Variants in XPNPEP1 observed in about 807,000 individuals in gnomAD.
The protein encoded by XPNPEP1 is xaa-Pro aminopeptidase 1.
A neutral mutation model predicts 92.4 loss-of-function variants in XPNPEP1; 39 were observed. The ratio of observed to expected loss-of-function variants is 0.42; its 90% CI spans 0.33 to 0.55. XPNPEP1 has a LOEUF of 0.55. Among genes scored for constraint, XPNPEP1 ranks in the 20% least tolerant of loss-of-function variants. The pLI, the probability that XPNPEP1 is intolerant of heterozygous loss-of-function variation, is 0.08. For missense variants in XPNPEP1, 654 were observed against 856.1 expected (o/e 0.76, Z 2.95); for synonymous variants, 307 against 299.4 (o/e 1.03, Z -0.26).
rs780199739 is a variant in XPNPEP1 at position 109,888,042 on chromosome 10, T to C, written c.652+7A>G. 1.9e-6 allele frequency: 3 copies of C among 1,613,876 alleles called. No individual in the cohort carries two copies. The Admixed American group carries it at 5.0e-5, about 27-fold the overall frequency. On this transcript the variant is annotated splice_region_variant and intron_variant, in intron 7 of 20. Transcript: ENST00000502935. ...GGGCCCTGCTGGGCAGAACCATTGA[T>C]TCTGACCTGTGTAATCCAGGCCCAG... is the stretch of plus-strand genomic sequence containing the variant.
chr10:109,875,809 A>C, intron 14 of XPNPEP1: 1 of 468,038 alleles, frequency 2.1e-6, no homozygotes, highest in Admixed American at 3.4e-5. Flanking sequence ...TCCCCAGCTG[A>C]GATAAAGAGC....
chr10:109,884,052 A>C lies in XPNPEP1; in HGVS notation c.830+15T>G, dbSNP rs766565379. ...AGCTCTGGAAGGGAGTTCCAGATGC[A>C]GGGCAAACACTCACATGATCGTCTC... On this transcript the variant is annotated intron_variant, in intron 9 of 20. Coordinates refer to ENST00000502935, the MANE Select transcript of XPNPEP1 (RefSeq NM_020383.4). 1 of 1,611,206 alleles carries C rather than the reference A, an allele frequency of 6.2e-7. No individual in the cohort carries two copies. The highest frequency in any genetic ancestry group is 8.5e-7 in the Non-Finnish European group (1 of 1,178,596).
intron 19 of XPNPEP1, 93 bp from the exon 20 acceptor site, chr10:109,868,805 C>T: frequency 8.3e-7 from 1 of 1,202,002 alleles, no homozygotes; most frequent in Non-Finnish European, 1.2e-6. Flanking sequence ...TCCCTCAGAG[C>T]CAGGGGTAAC....
chr10:109,906,208 G>A lies in XPNPEP1; in HGVS notation c.246+1483C>T, dbSNP rs550732857. On this transcript the variant is annotated intron_variant, in intron 3 of 20. Coordinates refer to ENST00000502935, the MANE Select transcript of XPNPEP1 (RefSeq NM_020383.4). ...CAGACACACACACAGACACAGACAC[G>A]CACACGTGCACACACACAGAGTAAC... Among the ~76,000 whole-genome samples the A allele has an allele frequency of 3.9e-5, 6 of 152,144 alleles. 2 individuals are homozygous for A. In the South Asian group the frequency reaches 1.0e-3, roughly 26 times the overall value.
intron 5 of XPNPEP1, 94 bp from the exon 6 acceptor site, chr10:109,888,689 G>C: frequency 1.0e-6 from 1 of 1,000,248 alleles, no homozygotes; most frequent in South Asian, 2.1e-5. Context: ...CATGATAGCA[G>C]GGTCTTTATT....
chr10:109,888,471 T>C (rs765491758), intron 6 of XPNPEP1, 32 bp downstream of exon 6: 44 of 1,581,558 alleles, frequency 2.8e-5, no homozygotes, highest in Admixed American at 3.5e-5. Flanking sequence ...GCCACTTCCT[T>C]ACCCAAGCAG....
chr10:109,888,034 A>G lies in XPNPEP1; in HGVS notation c.652+15T>C, dbSNP rs750720376. ...AATGGCAGGGGCCCTGCTGGGCAGA[A>G]CCATTGATTCTGACCTGTGTAATCC... On this transcript the variant is annotated intron_variant, in intron 7 of 20. Transcript: ENST00000502935. The G allele has an allele frequency of 5.6e-6, 9 of 1,613,384 alleles. No homozygotes were observed. Among genetic ancestry groups the G allele is most frequent in the South Asian group, 1.1e-5 (1 of 91,012 alleles).
chr10:109,872,579 A>T (rs1305571900), intron 16 of XPNPEP1, among the ~76,000 whole-genome samples: 1 of 152,262 alleles, frequency 6.6e-6, no homozygotes, highest in East Asian at 1.9e-4. Flanking sequence ...GCACTGGTGA[A>T]TACAAATGGA....
chr10:109,907,586 T>TTGGTTGTGGCCC, intron 3 of XPNPEP1, 105 bp downstream of exon 3: 1 of 1,539,086 alleles, frequency 6.5e-7, no homozygotes, highest in Non-Finnish European at 8.8e-7. Context: ...CTGGAAGGGC[T>TTGGTTGTGGCCC]TGGTTGTGGC....
At chr10:109,891,175 C>T (rs971398897) in intron 5 of XPNPEP1, 2 of 152,312 alleles carry the variant, frequency 1.3e-5, no homozygotes, top group Non-Finnish European at 2.9e-5. Flanking sequence ...ATTCTCACCA[C>T]TTTATATGTT....
At chr10:109,883,909 T>A (rs1473752805) in intron 9 of XPNPEP1, 158 bp downstream of exon 9, 5 of 680,384 alleles carry the variant, frequency 7.3e-6, no homozygotes, top group Admixed American at 2.9e-5. Context: ...AAACACCTAC[T>A]GCTAAGGAAA....
At position 109,900,328 on chromosome 10, in the gene XPNPEP1, G is replaced by A. The variant is rs540451971; in HGVS notation, c.247-7253C>T. On this transcript the variant is annotated intron_variant, in intron 3 of 20. Coordinates refer to ENST00000502935, the MANE Select transcript of XPNPEP1 (RefSeq NM_020383.4). ...AACAATTAGGAACAAGAGCCACAGG[G>A]AACAGCAGCCTCTCTATTACTGAGG... Among the ~76,000 whole-genome samples, 17 of 152,214 alleles carry A rather than the reference G, an allele frequency of 1.1e-4. No homozygotes were observed. In the South Asian group the frequency reaches 3.1e-3, roughly 28 times the overall value.
At chr10:109,868,529 A>T in intron 20 of XPNPEP1, 85 bp downstream of exon 20, 2 of 1,165,764 alleles carry the variant, frequency 1.7e-6, no homozygotes, top group South Asian at 1.4e-5. Context: ...TAGAGAATTT[A>T]GGATTTAGAG....
intron 1 of XPNPEP1, among the ~76,000 whole-genome samples, chr10:109,916,096 TAAG>T (rs979329609): frequency 1.3e-5 from 2 of 151,868 alleles, no homozygotes; most frequent in African/African-American, 4.8e-5. Flanking sequence ...CGTCAAGTAA[TAAG>T]AACGTGTTTT....
intron 19 of XPNPEP1, 118 bp from the exon 20 acceptor site, chr10:109,868,830 T>C (rs1021104050): frequency 1.5e-5 from 13 of 883,326 alleles, no homozygotes; most frequent in South Asian, 3.1e-5. Context: ...AGCCAAGAAG[T>C]GGTGAGCTGG....
intron 19 of XPNPEP1, 185 bp downstream of exon 19, chr10:109,869,768 A>G: frequency 1.9e-6 from 1 of 540,158 alleles, no homozygotes; most frequent in Non-Finnish European, 3.3e-6. Context: ...CTGGAGAAGA[A>G]GGCTCCATGT....
chr10:109,877,641 C>A, intron 14 of XPNPEP1, 149 bp downstream of exon 14: 2 of 998,866 alleles, frequency 2.0e-6, no homozygotes, highest in Middle Eastern at 3.2e-4. Flanking sequence ...AAAATAAAAT[C>A]TTAGAAGTCT....
At chr10:109,866,639 C>A (rs1433816236) in intron 20 of XPNPEP1, among the ~76,000 whole-genome samples, 1 of 152,200 alleles carries the variant, frequency 6.6e-6, no homozygotes, top group African/African-American at 2.4e-5. Context: ...TGACAGTCTG[C>A]AGCTGGCCAT....
In XPNPEP1 at chr10:109,886,262, G is replaced by A. The variant is rs532718905; in HGVS notation, c.732C>T (p.Ala244=). 1.2e-6 allele frequency: 2 copies of A among 1,614,172 alleles called. No homozygotes were observed. Among genetic ancestry groups the A allele is most frequent in the Non-Finnish European group, 1.7e-6 (2 of 1,180,014 alleles). ...ERNVMWFVVT[A]LDEIAWLFNL... ...AGCACTCACACGCAATCTCATCCAA[G>A]GCAGTGACCACAAACCACATGACGT... is the stretch of plus-strand genomic sequence containing the variant. Residue 244 remains alanine (A), a synonymous_variant, in exon 8 of 21, where the codon GCC becomes GCT. Coordinates refer to ENST00000502935, the MANE Select transcript of XPNPEP1 (RefSeq NM_020383.4).
Sources: gnomAD v4.1 joint callset for allele counts (sites outside exome capture counted in the v4.1 genomes callset) on GRCh38, gnomAD v4.1.1 for gene constraint, MANE v1.5 for transcripts, NCBI Gene and HGNC (gene_info 2026-07-23, HGNC 2026-07-21) for gene names.